The following SAMMSON variants were observed in gnomAD, a reference collection of about 807,000 sequenced individuals.
SAMMSON encodes survival associated mitochondrial melanoma specific oncogenic non-coding RNA, also known as long intergenic non-protein coding RNA 1212.
At position 70,418,981 on chromosome 3, in the gene SAMMSON, CT is replaced by C. The variant is rs1559585573; in HGVS notation, n.234-43578del. ...TTTCCTTTCCTTTCCTTCCTTCCTT[CT>C]CTCTCTCTCTCTCTCTCTCTTTCTT... On this transcript the variant is annotated intron_variant and non_coding_transcript_variant, in intron 2 of 3. Coordinates refer to the SAMMSON transcript ENST00000641053. Among the ~76,000 whole-genome samples, 39 of 74,928 alleles carry C rather than the reference CT, an allele frequency of 5.2e-4. 1 individual carries two copies. Among genetic ancestry groups the C allele is most frequent in the African/African-American group, 1.4e-3 (23 of 16,732 alleles). 49.2% of individuals were successfully genotyped at this position (74,928 alleles called of 152,430 possible). A position where few individuals can be genotyped will look rare whatever the true frequency, so the allele number is the denominator to read the frequency against.
intron 9 of SAMMSON, among the ~76,000 whole-genome samples, chr3:70,382,158 G>A (rs549262920): frequency 6.6e-6 from 1 of 152,098 alleles, no homozygotes; most frequent in Non-Finnish European, 1.5e-5. Flanking sequence ...GGTATATAAA[G>A]GTTCAGTTTC....
chr3:70,083,699 C>T (rs1455458153), intron 4 of SAMMSON, among the ~76,000 whole-genome samples: 2 of 152,140 alleles, frequency 1.3e-5, no homozygotes, highest in African/African-American at 2.4e-5. Context: ...CCTGCAGATC[C>T]TCTGGTCTCA....
intron 4 of SAMMSON, among the ~76,000 whole-genome samples, chr3:70,174,102 A>G (rs1300313983): frequency 7.5e-6 from 1 of 132,864 alleles, no homozygotes; most frequent in Non-Finnish European, 1.7e-5. Flanking sequence ...GCTTAATCTC[A>G]TATAATTCTT....
chr3:70,123,528 C>T (rs1282478690), intron 4 of SAMMSON, among the ~76,000 whole-genome samples: 3 of 152,222 alleles, frequency 2.0e-5, no homozygotes, highest in African/African-American at 7.2e-5. Flanking sequence ...CCTCAGCTTC[C>T]CAAAGTGCTG....
intron 3 of SAMMSON, among the ~76,000 whole-genome samples, chr3:70,065,523 T>A (rs1477906543): frequency 1.3e-5 from 2 of 152,056 alleles, no homozygotes; most frequent in Non-Finnish European, 2.9e-5. Flanking sequence ...GTGTTTTGTT[T>A]TTTTTAGAAA....
chr3:70,008,850 C>T (rs571841924), intron 1 of SAMMSON, among the ~76,000 whole-genome samples: 34 of 152,112 alleles, frequency 2.2e-4, no homozygotes, highest in Admixed American at 9.2e-4. Flanking sequence ...TAGCATGAAG[C>T]GTTGTTGAAT....
intron 9 of SAMMSON, among the ~76,000 whole-genome samples, chr3:70,376,072 A>G (rs1421167961): frequency 1.3e-5 from 2 of 152,150 alleles, no homozygotes; most frequent in African/African-American, 4.8e-5. Flanking sequence ...ACCTGCATTT[A>G]TTGAATACCT....
intron 1 of SAMMSON, among the ~76,000 whole-genome samples, chr3:70,011,829 G>C (rs938543222): frequency 6.6e-6 from 1 of 151,962 alleles, no homozygotes; most frequent in African/African-American, 2.4e-5. Context: ...AGTGATCTCA[G>C]ACCTAAAGAA....
At chr3:70,338,536 A>G (rs1702684251) in intron 7 of SAMMSON, among the ~76,000 whole-genome samples, 1 of 152,164 alleles carries the variant, frequency 6.6e-6, no homozygotes, top group Non-Finnish European at 1.5e-5. Flanking sequence ...TTAAGCTCAT[A>G]AGCAACTCCA....
At chr3:70,403,284 T>A (rs1369771887) in intron 2 of SAMMSON, among the ~76,000 whole-genome samples, 1 of 152,076 alleles carries the variant, frequency 6.6e-6, no homozygotes, top group African/African-American at 2.4e-5. Context: ...CAGTCAAAAT[T>A]TTCTGTGAGG....
intron 2 of SAMMSON, among the ~76,000 whole-genome samples, chr3:70,406,303 CA>C (rs1701177508): frequency 1.3e-5 from 2 of 152,080 alleles, no homozygotes; most frequent in South Asian, 4.1e-4. Flanking sequence ...AAAATAAGTA[CA>C]ATTAACTTAG....
chr3:70,271,065 A>G (rs139750422), intron 6 of SAMMSON, among the ~76,000 whole-genome samples: 1 of 152,182 alleles, frequency 6.6e-6, no homozygotes, highest in Non-Finnish European at 1.5e-5. Context: ...ATAAAAAAAA[A>G]CAGTAAATTA....
intron 9 of SAMMSON, among the ~76,000 whole-genome samples, chr3:70,375,058 A>G (rs1157230843): frequency 1.3e-5 from 2 of 152,156 alleles, no homozygotes; most frequent in Admixed American, 6.6e-5. Context: ...GCATGCGTGT[A>G]AAGTCCAGAG....
intron 4 of SAMMSON, among the ~76,000 whole-genome samples, chr3:70,168,586 G>A (rs892147365): frequency 1.3e-5 from 2 of 151,940 alleles, no homozygotes; most frequent in Non-Finnish European, 2.9e-5. Context: ...GAACACAAAC[G>A]ATTGAGATCA....
At chr3:70,125,783 C>T in intron 4 of SAMMSON, 1 of 654,094 alleles carries the variant, frequency 1.5e-6, no homozygotes, top group Admixed American at 2.5e-5. Context: ...TTTTTTCTCA[C>T]ATGGCGCTGC....
At chr3:70,172,459 C>T (rs4129735) in intron 4 of SAMMSON, 84,076 of 151,628 alleles carry the variant, frequency 0.55, 24,433 homozygotes, top group Non-Finnish European at 0.62. Context: ...TGGCGTTATT[C>T]AAAGGGGTAA....
chr3:70,302,445 A>AC (rs1224515525), intron 7 of SAMMSON: 1 of 151,650 alleles, frequency 6.6e-6, no homozygotes, highest in Non-Finnish European at 1.5e-5. Flanking sequence ...AACATAAGAG[A>AC]CTTTTTTTTC....
chr3:70,012,793 T>G (rs2066963405), intron 2 of SAMMSON, among the ~76,000 whole-genome samples: 1 of 152,056 alleles, frequency 6.6e-6, no homozygotes, highest in Non-Finnish European at 1.5e-5. Flanking sequence ...TAGAGAATGG[T>G]GAGGCTTTGC....
At chr3:70,237,316 G>T (rs903566933) in intron 4 of SAMMSON, among the ~76,000 whole-genome samples, 4 of 152,114 alleles carry the variant, frequency 2.6e-5, no homozygotes, top group Admixed American at 2.6e-4. Flanking sequence ...CTCTATTAAT[G>T]AATGCTTAAA....
Sources: allele counts gnomAD v4.1 joint callset (sites outside exome capture counted in the v4.1 genomes callset), GRCh38; gene constraint gnomAD v4.1.1; transcripts MANE v1.5; gene names NCBI Gene and HGNC (gene_info 2026-07-23, HGNC 2026-07-21).